PSMD2: variants seen among roughly 807,000 people sequenced by gnomAD.
PSMD2 encodes 26S proteasome non-ATPase regulatory subunit 2.
A neutral mutation model predicts 101.5 loss-of-function variants in PSMD2; 8 were observed. That is an observed-to-expected ratio of 0.08 (90% CI 0.05 to 0.14). The LOEUF is 0.14. PSMD2 is among the 10% of genes least tolerant of loss of function. The pLI is 1.00. For missense variants in PSMD2, 784 were observed against 1,147.4 expected (o/e 0.68, Z 4.58); for synonymous variants, 418 against 433.8 (o/e 0.96, Z 0.45).
rs756932364 is a variant in PSMD2 at position 184,308,489 on chromosome 3, G to A, written c.2466G>A (p.Val822=). The part of the protein sequence containing the change: ...GKSHYVLYGL[V]AAMQPRMLVT... The stretch of plus-strand genomic sequence containing the variant: ...CACACTATGTATTGTATGGGCTGGT[G>A]GCTGCCATGCAGCCCCGAATGCTGG... The change falls in exon 20 of 21, where the codon GTG becomes GTA. Residue 822 remains valine, a synonymous_variant. Coordinates refer to ENST00000310118, the MANE Select transcript of PSMD2 (RefSeq NM_002808.5). This position sits in a 1 kb window ranked among gnomAD's most constrained non-coding sequence, Gnocchi z 6.0. 1.2e-6 allele frequency: 2 copies of A among 1,612,578 alleles called. No homozygotes were observed. Among genetic ancestry groups the A allele is most frequent in the South Asian group, 2.2e-5 (2 of 90,992 alleles).
intron 3 of PSMD2, among the ~76,000 whole-genome samples, chr3:184,301,258 C>T (rs888326600): frequency 1.3e-5 from 2 of 151,630 alleles, no homozygotes; most frequent in African/African-American, 4.9e-5. Context: ...ATCACTTGAA[C>T]CCCGGAGGCA....
At position 184,302,816 on chromosome 3, in the gene PSMD2, C is replaced by T; in HGVS notation, c.1001C>T (p.Ala334Val). The T allele has an allele frequency of 3.1e-6, 5 of 1,614,166 alleles. No individual in the cohort carries two copies. Among genetic ancestry groups the T allele is most frequent in the South Asian group, 1.1e-5 (1 of 91,086 alleles). ...VQLNSNFLAL[A>V]RELDIMEPKV... ...CTCAACAGCAACTTCTTGGCCTTAG[C>T]TCGGGAGGTGAGACTGCCCTTTTTT... Residue 334 changes from alanine (A) to valine (V), a missense_variant, in exon 7 of 21, where the codon GCT (alanine) becomes GTT (valine). Around this residue, in one of 6 missense-constraint regions of PSMD2, gnomAD observed 208 missense variants for 301.6 expected, o/e 0.69. Coordinates refer to ENST00000310118, the MANE Select transcript of PSMD2 (RefSeq NM_002808.5).
chr3:184,305,665 AG>A, intron 12 of PSMD2, 102 bp from the exon 13 acceptor site: 1 of 1,033,268 alleles, frequency 9.7e-7, no homozygotes, highest in Non-Finnish European at 1.4e-6. Flanking sequence ...TAATGTTATT[AG>A]GGAGAATATC....
rs1460477120 is a variant in PSMD2 at position 184,303,277 on chromosome 3, C to G, written c.1070-43C>G. 6 of 1,596,340 alleles carry G rather than the reference C, an allele frequency of 3.8e-6. No homozygotes were observed. The African/African-American group carries it at 5.4e-5, about 14-fold the overall frequency. ...ATGCTGTGTTTCTTTCCTGTCCTAC[C>G]TGAAACCTTCTTTCCTTACTTTTCC... On this transcript the variant is annotated intron_variant, in intron 8 of 20. Transcript: ENST00000310118.
Position 184,301,542 on chromosome 3 carries a change from T to C in PSMD2, c.363T>C (p.Phe121=). ...AAGAACTCTTTTCTTTATAGCGTTT[T>C]GCTGCTGACATCATCTCCGTTTTGG... ...ENMAPGENKR[F]AADIISVLAM... is the part of the protein sequence containing the mutation. The change falls in exon 4 of 21, where the codon TTT becomes TTC. Residue 121 remains phenylalanine, a synonymous_variant. Coordinates refer to ENST00000310118, the MANE Select transcript of PSMD2 (RefSeq NM_002808.5). 1.2e-6 allele frequency: 2 copies of C among 1,613,722 alleles called. No homozygotes were observed. The highest frequency in any genetic ancestry group is 4.5e-5 in the East Asian group (2 of 44,888).
intron 12 of PSMD2, among the ~76,000 whole-genome samples, chr3:184,305,047 G>C (rs1311186975): frequency 6.6e-6 from 1 of 152,170 alleles, no homozygotes; most frequent in East Asian, 1.9e-4. Context: ...GTTCATACTT[G>C]TGCAGAGTCA....
At position 184,302,538 on chromosome 3, in the gene PSMD2, G is replaced by C. The variant is rs552174959; in HGVS notation, c.863+10G>C. 1 of 1,613,634 alleles carries C rather than the reference G, an allele frequency of 6.2e-7. No homozygotes were observed. The highest frequency in any genetic ancestry group is 8.5e-7 in the Non-Finnish European group (1 of 1,179,740). ...CCTCCTGCAAGGATGTGTATGTAGGGAAGAAGCTGGCAAAGAGATAAGCTT... is the reference window on the plus strand; with the variant it reads ...CCTCCTGCAAGGATGTGTATGTAGGCAAGAAGCTGGCAAAGAGATAAGCTT... On this transcript the variant is annotated intron_variant, in intron 6 of 20. Coordinates refer to ENST00000310118, the MANE Select transcript of PSMD2 (RefSeq NM_002808.5).
chr3:184,306,530 GT>G (rs1306490360), intron 15 of PSMD2, 35 bp downstream of exon 15: 1 of 1,602,650 alleles, frequency 6.2e-7, no homozygotes, highest in Non-Finnish European at 8.5e-7. Flanking sequence ...CAGAGAGGCT[GT>G]GAGAAGAGAT....
chr3:184,302,664 G>A lies in PSMD2; in HGVS notation c.864-15G>A. 3 of 1,613,962 alleles carry A rather than the reference G, an allele frequency of 1.9e-6. No homozygotes were observed. Among genetic ancestry groups the A allele is most frequent in the Non-Finnish European group, 2.5e-6 (3 of 1,179,988 alleles). ...AGTGGACAGTGATGAGCAGATGTAC[G>A]GGCTCTCTCCACAGGGTAGTACAGA... On this transcript the variant is annotated splice_polypyrimidine_tract_variant and intron_variant, in intron 6 of 20. Transcript: ENST00000310118.
chr3:184,308,447 A>C lies in PSMD2; in HGVS notation c.2426-2A>C. On this transcript the variant is annotated splice_acceptor_variant, in intron 19 of 20. Coordinates refer to ENST00000310118, the MANE Select transcript of PSMD2 (RefSeq NM_002808.5). LOFTEE classifies it high-confidence loss of function. This position sits in a 1 kb window ranked among gnomAD's most constrained non-coding sequence, Gnocchi z 6.0. Reference sequence around the variant, plus strand: ...ACTTTTTGTCCTGTCTGCTTCCCTCAGTTATTCTAGGCAAATCACACTATG... The same window carrying C: ...ACTTTTTGTCCTGTCTGCTTCCCTCCGTTATTCTAGGCAAATCACACTATG... 1 of 1,600,868 alleles carries C rather than the reference A, an allele frequency of 6.2e-7. No individual in the cohort carries two copies.
In PSMD2 at chr3:184,308,369, G is replaced by A; in HGVS notation, c.2426-80G>A. ...GTATGACTGACGGGTTAAAGGGTCA[G>A]CGCTGAGGTGGGCTCTCAATGTTTC... On this transcript the variant is annotated intron_variant, in intron 19 of 20. Transcript: ENST00000310118. This position sits in a 1 kb window ranked among gnomAD's most constrained non-coding sequence, Gnocchi z 6.0. 8.6e-7 allele frequency: 1 copy of A among 1,162,458 alleles called. No homozygotes were observed. Among genetic ancestry groups the A allele is most frequent in the South Asian group, 1.4e-5 (1 of 72,024 alleles). The allele number at this position is 1,162,458 out of a possible 1,614,324, so 72.0% of individuals were successfully genotyped here.
Position 184,301,595 on chromosome 3 carries a change from G to C in PSMD2, c.416G>C (p.Cys139Ser), listed in dbSNP as rs1314402781. ...LAMTMSGERE[C>S]LKYRLVGSQE... ...ATGACCATGAGTGGGGAGCGTGAGT[G>C]CCTCAAGTATCGGCTAGTGGGCTCC... The change falls in exon 4 of 21, where the codon TGC becomes TCC. Residue 139 changes from cysteine to serine, a missense_variant. Transcript: ENST00000310118. 4.3e-6 allele frequency: 7 copies of C among 1,613,994 alleles called. No homozygotes were observed. In the Admixed American group the frequency reaches 1.2e-4, roughly 27 times the overall value.
rs949485806 is a variant in PSMD2, at chr3:184,301,173, TA to T, written c.358-351del. Among the ~76,000 whole-genome samples the T allele has an allele frequency of 4.0e-3, 565 of 142,692 alleles. 2 individuals are homozygous for T. Among genetic ancestry groups the T allele is most frequent in the African/African-American group, 9.2e-3 (359 of 39,086 alleles). The allele number at this position is 142,692 out of a possible 152,430, so 93.6% of individuals were successfully genotyped here. On this transcript the variant is annotated intron_variant, in intron 3 of 20. Coordinates refer to ENST00000310118, the MANE Select transcript of PSMD2 (RefSeq NM_002808.5). ...GTGAAACCCCGTCTCTACTAAAAAT[TA>T]AAAAAAAAAAAATTAGCTGGGTGTG...
intron 12 of PSMD2, among the ~76,000 whole-genome samples, chr3:184,305,312 A>G (rs1186992362): frequency 3.9e-5 from 6 of 152,112 alleles, no homozygotes; most frequent in Admixed American, 3.3e-4. Context: ...AAGATGGTGA[A>G]ACCCTGTCTC....
Position 184,301,892 on chromosome 3 carries a change from C to T in PSMD2, c.525C>T (p.Asp175=), listed in dbSNP as rs770140291. 42 of 1,614,008 alleles carry T rather than the reference C, an allele frequency of 2.6e-5. No homozygotes were observed. Among genetic ancestry groups the T allele is most frequent in the South Asian group, 2.0e-4 (18 of 91,074 alleles). ...CTAAGGAGTGGCAGGAGCTGGATGA[C>T]GCAGAGAAGGTCCAGCGGGAGCCTC... ...EVAKEWQELD[D]AEKVQREPLL... Residue 175 remains aspartate, a synonymous_variant, in exon 5 of 21, where the codon GAC becomes GAT. Transcript: ENST00000310118.
At chr3:184,305,631 T>C (rs923699259) in intron 12 of PSMD2, 137 bp from the exon 13 acceptor site, 5 of 783,192 alleles carry the variant, frequency 6.4e-6, no homozygotes, top group Non-Finnish European at 1.0e-5. Context: ...TAATGACTAC[T>C]ATTGTTATTT....
rs374114964 is a variant in PSMD2, at chr3:184,302,382, C to T, written c.717C>T (p.Tyr239=). 1.3e-5 allele frequency: 21 copies of T among 1,611,772 alleles called. No homozygotes were observed. Among genetic ancestry groups the T allele is most frequent in the Middle Eastern group, 1.7e-4 (1 of 5,978 alleles). ...TTTACTTTTGTAGTTGTGTGAATTA[C>T]GTGCCTGAGCCTGAGAACTCAGCCC... ...VCLYLTSCVN[Y]VPEPENSALL... The change falls in exon 6 of 21, where the codon TAC becomes TAT. Residue 239 remains tyrosine, a synonymous_variant. Coordinates refer to ENST00000310118, the MANE Select transcript of PSMD2 (RefSeq NM_002808.5).
chr3:184,300,336 T>G lies in PSMD2; in HGVS notation c.249T>G (p.Arg83=). The G allele has an allele frequency of 6.2e-7, 1 of 1,613,956 alleles. No homozygotes were observed. Among genetic ancestry groups the G allele is most frequent in the Non-Finnish European group, 8.5e-7 (1 of 1,179,816 alleles). The change falls in exon 3 of 21, where the codon CGT becomes CGG. Residue 83 remains arginine (R), a synonymous_variant. Coordinates refer to ENST00000310118, the MANE Select transcript of PSMD2 (RefSeq NM_002808.5). Reference sequence around the variant, plus strand: ...TGGAGGAATTGCGAAGGCAGATTCGTTCTTCTACAACTTCCATGACTTCAG... The same window carrying G: ...TGGAGGAATTGCGAAGGCAGATTCGGTCTTCTACAACTTCCATGACTTCAG... ...PALEELRRQI[R]SSTTSMTSVP...
At position 184,308,995 on chromosome 3, in the gene PSMD2, C is replaced by T; in HGVS notation, c.*105C>T. ...AGACTTCTGGGGGAATTGTCGCCTC[C>T]TGCTCTTTTGTTACTGAGTGAGATA... On this transcript the variant is annotated 3_prime_UTR_variant, in exon 21 of 21. Transcript: ENST00000310118. The surrounding 1 kb of genome is among the most constrained non-coding windows in gnomAD (Gnocchi z 6.0). 8.3e-7 allele frequency: 1 copy of T among 1,210,814 alleles called. No homozygotes were observed. The highest frequency in any genetic ancestry group is 1.5e-5 in the South Asian group (1 of 68,898). 75.0% of individuals were successfully genotyped at this position (1,210,814 alleles called of 1,614,324 possible).
Sources: allele counts gnomAD v4.1 joint callset (sites outside exome capture counted in the v4.1 genomes callset), GRCh38; gene constraint gnomAD v4.1.1; regional missense constraint gnomAD v4.1.1; non-coding constraint Gnocchi (gnomAD v3.1); transcripts MANE v1.5; gene names NCBI Gene and HGNC (gene_info 2026-07-23, HGNC 2026-07-21).